SHC4: variants seen among roughly 807,000 people sequenced by gnomAD.
SHC4 encodes SHC adaptor protein 4, also known as SHC-transforming protein 4.
Under a neutral mutation model 69.4 loss-of-function variants are expected in SHC4, and 41 were observed. The observed-to-expected ratio is 0.59, with a 90% CI of 0.46 to 0.77. The LOEUF is 0.77. Among genes scored for constraint, SHC4 ranks in the 30% least tolerant of loss-of-function variants. The pLI is 0.00. For synonymous variants in SHC4, 318 were observed against 299.3 expected (o/e 1.06, Z -0.64); for missense variants, 777 against 783.8 (o/e 0.99, Z 0.10).
Position 48,872,124 on chromosome 15 carries a change from T to G in SHC4, c.859A>C (p.Met287Leu). The change falls in exon 5 of 12, where the codon ATG (methionine) becomes CTG (leucine). Residue 287 changes from methionine (M) to leucine (L), a missense_variant. By Grantham distance (15) the Met-to-Leu change is conservative. Coordinates refer to ENST00000332408, the MANE Select transcript of SHC4 (RefSeq NM_203349.4). ...DNQQIIANHH[M>L]QSISFASGGD... ...CCAGAGGCAAATGAAATAGACTGCA[T>G]ATGATGATTTGCAATAATCTGAAAA... 6.3e-7 allele frequency: 1 copy of G among 1,587,946 alleles called. No homozygotes were observed. The highest frequency in any genetic ancestry group is 8.6e-7 in the Non-Finnish European group (1 of 1,161,940).
intron 3 of SHC4, among the ~76,000 whole-genome samples, chr15:48,889,788 G>C (rs964881645): frequency 6.6e-6 from 1 of 152,194 alleles, no homozygotes; most frequent in Non-Finnish European, 1.5e-5. Context: ...AGCTTGCAGT[G>C]AGCCGAGATC....
At chr15:48,880,985 AGTGTGTGTGT>A (rs10523567) in intron 4 of SHC4, among the ~76,000 whole-genome samples, 8,705 of 146,034 alleles carry the variant, frequency 0.06, 295 homozygotes, top group East Asian at 0.12. Context: ...TGTGTGTGAG[AGTGTGTGTGT>A]GTGTGTGTGT....
chr15:48,851,631 T>C (rs1054468322), intron 8 of SHC4, among the ~76,000 whole-genome samples: 2 of 152,138 alleles, frequency 1.3e-5, no homozygotes, highest in African/African-American at 4.8e-5. Context: ...TTTGAATTGG[T>C]AGATTGGATT....
intron 1 of SHC4, among the ~76,000 whole-genome samples, chr15:48,955,500 A>T (rs1463295918): frequency 6.6e-6 from 1 of 152,116 alleles, no homozygotes; most frequent in African/African-American, 2.4e-5. Flanking sequence ...AAATGACCCT[A>T]AGGTCATTAG....
chr15:48,884,722 A>G (rs1051788473), intron 3 of SHC4, among the ~76,000 whole-genome samples: 1 of 152,142 alleles, frequency 6.6e-6, no homozygotes, highest in Admixed American at 6.5e-5. Flanking sequence ...AAAAAAGAAA[A>G]ATTTGACAAT....
At chr15:48,910,923 G>A (rs190691439) in intron 2 of SHC4, among the ~76,000 whole-genome samples, 2 of 152,310 alleles carry the variant, frequency 1.3e-5, no homozygotes, top group African/African-American at 4.8e-5. Context: ...ACTGTGGTCT[G>A]AGAGAGTGCT....
Position 48,962,578 on chromosome 15 carries a change from C to CG in SHC4, c.437dup (p.Gln147AlafsTer15), listed in dbSNP as rs1566843272. The CG allele has an allele frequency of 1.2e-6, 2 of 1,612,158 alleles. No individual in the cohort carries two copies. The highest frequency in any genetic ancestry group is 2.2e-5 in the South Asian group (2 of 90,828). Reference sequence around the variant, plus strand: ...CCCTGTGTCCCACCAGGTCCTGCTGCGGTGGAGGTGCAGTCCCGGACCTAC... The same window carrying CG: ...CCCTGTGTCCCACCAGGTCCTGCTGCGGGTGGAGGTGCAGTCCCGGACCTAC... On this transcript the variant is annotated frameshift_variant, in exon 1 of 12. Coordinates refer to ENST00000332408, the MANE Select transcript of SHC4 (RefSeq NM_203349.4). LOFTEE classifies it high-confidence loss of function.
At chr15:48,953,940 G>A (rs1223298837) in intron 1 of SHC4, among the ~76,000 whole-genome samples, 2 of 152,306 alleles carry the variant, frequency 1.3e-5, no homozygotes, top group East Asian at 3.9e-4. Context: ...TAGAGAATCT[G>A]TAGATTTAAA....
chr15:48,917,243 TTGTGTGTGTGTGTGTGTGTG>T lies in SHC4; in HGVS notation c.656+7616_656+7635del, dbSNP rs3985853. Among the ~76,000 whole-genome samples, 24 of 137,202 alleles carry T rather than the reference TTGTGTGTGTGTGTGTGTGTG, an allele frequency of 1.7e-4. No homozygotes were observed. In the South Asian group the frequency reaches 2.4e-3, roughly 14 times the overall value. The allele number at this position is 137,202 out of a possible 152,430, so 90.0% of individuals were successfully genotyped here. A position where few individuals can be genotyped will look rare whatever the true frequency, so the allele number is the denominator to read the frequency against. On this transcript the variant is annotated intron_variant, in intron 2 of 11. Transcript: ENST00000332408. ...CTTTAAGTTTTAGTGACCTGATTTC[TTGTGTGTGTGTGTGTGTGTG>T]TGTGTGTGTGTGTGTGTGTGTGTGT...
chr15:48,866,047 C>G (rs753992347), intron 6 of SHC4, among the ~76,000 whole-genome samples: 1 of 152,192 alleles, frequency 6.6e-6, no homozygotes, highest in Admixed American at 6.5e-5. Flanking sequence ...CTGTGACTGA[C>G]GGCAAAGTTA....
At position 48,878,938 on chromosome 15, in the gene SHC4, G is replaced by T. The variant is rs1449091518; in HGVS notation, c.840+5310C>A. ...AGAATCATTAAAGAAAAAGAAAAAAGATTTTAAGACCGTTGAAATCAATTA... is the reference window on the plus strand; with the variant it reads ...AGAATCATTAAAGAAAAAGAAAAAATATTTTAAGACCGTTGAAATCAATTA... On this transcript the variant is annotated intron_variant, in intron 4 of 11. Coordinates refer to ENST00000332408, the MANE Select transcript of SHC4 (RefSeq NM_203349.4). 1.0e-5 allele frequency: 5 copies of T among 501,422 alleles called. No homozygotes were observed. In the South Asian group the frequency reaches 2.1e-4, roughly 21 times the overall value. The allele number at this position is 501,422 out of a possible 1,614,324, so 31.1% of individuals were successfully genotyped here. A position where few individuals can be genotyped will look rare whatever the true frequency, so the allele number is the denominator to read the frequency against.
chr15:48,847,022 CTT>C (rs373671986), intron 9 of SHC4, among the ~76,000 whole-genome samples: 2 of 145,404 alleles, frequency 1.4e-5, no homozygotes, highest in Admixed American at 6.9e-5. Context: ...CTGCCATCCC[CTT>C]TTTTTTTTTC....
rs144645413 is a variant in SHC4 at position 48,843,412 on chromosome 15, C to T, written c.1480G>A (p.Gly494Arg). The T allele has an allele frequency of 2.1e-5, 33 of 1,606,970 alleles. No individual in the cohort carries two copies. The Admixed American group carries it at 2.7e-4, about 13-fold the overall frequency. The change falls in exon 10 of 12, where the codon GGA (glycine) becomes AGA (arginine). Residue 494 changes from glycine (G) to arginine (R), a missense_variant. Coordinates refer to ENST00000332408, the MANE Select transcript of SHC4 (RefSeq NM_203349.4). Reference sequence around the variant, plus strand: ...CAGACAGTGAGTAGCTACTTACTTCCGCAGTGCCATGGGCTCCCCAGTGGT... The same window carrying T: ...CAGACAGTGAGTAGCTACTTACTTCTGCAGTGCCATGGGCTCCCCAGTGGT... ...AQPLGSPWHC[G>R]KAPETVQPGA... is the part of the protein sequence containing the mutation.
At chr15:48,880,107 T>G (rs1022852651) in intron 4 of SHC4, 1 of 167,140 alleles carries the variant, frequency 6.0e-6, no homozygotes, top group Non-Finnish European at 1.5e-5. Context: ...GGTTTTATCA[T>G]GATCAGTAAA....
intron 3 of SHC4, among the ~76,000 whole-genome samples, chr15:48,889,403 A>G (rs1900092658): frequency 6.6e-6 from 1 of 152,236 alleles, no homozygotes; most frequent in Admixed American, 6.5e-5. Flanking sequence ...GTATAGAAAT[A>G]GAGCCCTAAG....
Position 48,962,597 on chromosome 15 carries a change from G to C in SHC4, c.419C>G (p.Ser140Cys). 1 of 1,613,930 alleles carries C rather than the reference G, an allele frequency of 6.2e-7. No individual in the cohort carries two copies. The highest frequency in any genetic ancestry group is 1.3e-5 in the African/African-American group (1 of 75,034). The change falls in exon 1 of 12, where the codon TCC becomes TGC. Residue 140 changes from serine to cysteine, a missense_variant. By Grantham distance (112) the Ser-to-Cys change is moderately radical. Coordinates refer to ENST00000332408, the MANE Select transcript of SHC4 (RefSeq NM_203349.4). ...CTGCTGCGGTGGAGGTGCAGTCCCG[G>C]ACCTACTTAAACTGGTTTCTGGGGA... ...PSSPETSLSR[S>C]GTAPPPQQDL...
At chr15:48,950,014 TTTA>T (rs949485373) in intron 1 of SHC4, among the ~76,000 whole-genome samples, 15 of 142,104 alleles carry the variant, frequency 1.1e-4, no homozygotes, top group African/African-American at 3.3e-4. Context: ...TATTAAAATA[TTTA>T]TTATTAATAA....
At chr15:48,840,939 G>A (rs1191326169) in intron 10 of SHC4, among the ~76,000 whole-genome samples, 1 of 152,178 alleles carries the variant, frequency 6.6e-6, no homozygotes, top group Admixed American at 6.5e-5. Context: ...AAAGGCTAGA[G>A]TCAGAGAAAA....
At chr15:48,841,360 A>G (rs1898985417) in intron 10 of SHC4, among the ~76,000 whole-genome samples, 1 of 152,190 alleles carries the variant, frequency 6.6e-6, no homozygotes, top group African/African-American at 2.4e-5. Context: ...TAACAGCAAA[A>G]ATCTGAATTT....
Sources: gnomAD v4.1 joint callset for allele counts (sites outside exome capture counted in the v4.1 genomes callset) on GRCh38, gnomAD v4.1.1 for gene constraint, MANE v1.5 for transcripts, NCBI Gene and HGNC (gene_info 2026-07-23, HGNC 2026-07-21) for gene names.